The following PIEZO1 variants were observed in gnomAD, a reference collection of about 807,000 sequenced individuals.
PIEZO1 encodes the protein piezo-type mechanosensitive ion channel component 1.
A neutral mutation model predicts 297.2 loss-of-function variants in PIEZO1; 296 were observed. The ratio of observed to expected loss-of-function variants is 1.00; its 90% CI spans 0.91 to 1.10. The LOEUF is 1.10. Ranked by LOEUF, PIEZO1 falls within the 50% of genes least tolerant of loss-of-function variation. The probability of loss-of-function intolerance (pLI) is 0.00; values close to 1 mark genes in which losing one functional copy is unlikely to be tolerated. For missense variants in PIEZO1, 5,018 were observed against 3,455.5 expected (o/e 1.45, Z -11.34); for synonymous variants, 2,427 against 1,507.5 (o/e 1.61, Z -14.13).
intron 2 of PIEZO1, among the ~76,000 whole-genome samples, chr16:88,747,231 G>GAAA (rs59177269): frequency 0.13 from 15,773 of 121,338 alleles, 1,260 homozygotes; most frequent in Non-Finnish European, 0.19. Flanking sequence ...ACCCCCACTC[G>GAAA]AAAAAAAAAA....
chr16:88,716,709 T>C lies in PIEZO1; in HGVS notation c.6776A>G (p.Gln2259Arg). Residue 2259 changes from glutamine to arginine, a missense_variant, in exon 47 of 51, where the codon CAG (glutamine) becomes CGG (arginine). Gln to Arg is a conservative substitution (Grantham distance 43, BLOSUM62 1). Transcript: ENST00000301015. ...CGTGACGATGTCCTCAGGGCTGTAC[T>C]GGCTGATGAACTGCATGGCCAGCTG... ...PQPLAMQFIS[Q>R]YSPEDIVTAQ... The C allele has an allele frequency of 1.3e-6, 2 of 1,548,482 alleles. No homozygotes were observed. The highest frequency in any genetic ancestry group is 1.7e-6 in the Non-Finnish European group (2 of 1,146,818).
Position 88,736,234 on chromosome 16 carries a change from C to G in PIEZO1, c.1471G>C (p.Glu491Gln). 6.5e-7 allele frequency: 1 copy of G among 1,550,004 alleles called. No individual in the cohort carries two copies. Among genetic ancestry groups the G allele is most frequent in the East Asian group, 2.4e-5 (1 of 40,920 alleles). The change falls in exon 12 of 51, where the codon GAG becomes CAG. Residue 491 changes from glutamate to glutamine, a missense_variant. By Grantham distance (29) the Glu-to-Gln change is conservative (BLOSUM62 2). Coordinates refer to ENST00000301015, the MANE Select transcript of PIEZO1 (RefSeq NM_001142864.4). ...ACGGGGCCCAGGGTGGTGGGCAGCT[C>G]AGGGCGCAGGTCCATGGCCCACACG... ...RYVWAMDLRP[E>Q]LPTTLGPVSL...
In PIEZO1 at chr16:88,727,110, A is replaced by C. The variant is rs1904503272; in HGVS notation, c.3384T>G (p.Ala1128=). The C allele has an allele frequency of 6.5e-7, 1 of 1,549,900 alleles. No homozygotes were observed. Among genetic ancestry groups the C allele is most frequent in the Admixed American group, 2.0e-5 (1 of 50,984 alleles). The change falls in exon 24 of 51, where the codon GCT becomes GCG. Residue 1128 remains alanine (A), a synonymous_variant. Coordinates refer to ENST00000301015, the MANE Select transcript of PIEZO1 (RefSeq NM_001142864.4). ...AERTEEWQRM[A]GVNTDRLEPL... ...GCTCCAGGCGGTCGGTGTTGACGCC[A>C]GCCATGCGCTGCCACTCCTCTGTGC...
chr16:88,749,529 C>A, intron 1 of PIEZO1, 50 bp from the exon 2 acceptor site: 1 of 1,383,536 alleles, frequency 7.2e-7, no homozygotes. Flanking sequence ...ATGGCCAGCC[C>A]CACCCCAGAG....
In PIEZO1 at chr16:88,746,015, G is replaced by T. The variant is rs1258771449; in HGVS notation, c.160+3369C>A. Among the ~76,000 whole-genome samples the T allele has an allele frequency of 2.0e-5, 3 of 152,242 alleles. No individual in the cohort carries two copies. In the East Asian group the frequency reaches 5.8e-4, roughly 29 times the overall value. ...GCTGGGCCTGATTGTTCTGTGGGGA[G>T]TGTGGAGTTGCCCTGAGTCTGATCC... On this transcript the variant is annotated intron_variant, in intron 2 of 50. Coordinates refer to ENST00000301015, the MANE Select transcript of PIEZO1 (RefSeq NM_001142864.4).
At chr16:88,741,695 G>C in intron 4 of PIEZO1, 79 bp from the exon 5 acceptor site, 1 of 1,267,480 alleles carries the variant, frequency 7.9e-7, no homozygotes, top group Admixed American at 2.4e-5. Flanking sequence ...TCCAGGTGCG[G>C]GTGGGAGTGT....
chr16:88,721,621 G>C lies in PIEZO1; in HGVS notation c.5320C>G (p.Leu1774Val), dbSNP rs1167101210. Residue 1774 changes from leucine to valine, a missense_variant, in exon 38 of 51, where the codon CTG becomes GTG. By Grantham distance (32) the Leu-to-Val change is conservative. Transcript: ENST00000301015. ...TAGCCGTCAGTCTTCTCCAGGCCCA[G>C]GATGCGGGGCGGGAAGTAGGGCTTG... is the stretch of plus-strand genomic sequence containing the variant. The part of the protein sequence containing the change: ...ENKPYFPPRI[L>V]GLEKTDGYIK... The C allele has an allele frequency of 5.8e-6, 9 of 1,550,154 alleles. 1 individual carries two copies. In the South Asian group the frequency reaches 1.1e-4, roughly 18 times the overall value.
chr16:88,730,457 GC>G (rs1356165145), intron 22 of PIEZO1, among the ~76,000 whole-genome samples: 1 of 152,052 alleles, frequency 6.6e-6, no homozygotes, highest in Non-Finnish European at 1.5e-5. Context: ...AATTAGCCGG[GC>G]CTGGTGGTGC....
chr16:88,785,103 C>T lies in PIEZO1; in HGVS notation c.-139G>A, dbSNP rs1375569434. 1.4e-5 allele frequency: 6 copies of T among 436,836 alleles called. No individual in the cohort carries two copies. The highest frequency in any genetic ancestry group is 2.1e-5 in the African/African-American group (1 of 48,032). The allele number at this position is 436,836 out of a possible 1,614,324, so 27.1% of individuals were successfully genotyped here. A position where few individuals can be genotyped will look rare whatever the true frequency, so the allele number is the denominator to read the frequency against. ...CCTTCTCCTCTTCCTCCTTCTCCTT[C>T]GGCCGCCCCGCCGGTGCCGACGTCC... On this transcript the variant is annotated 5_prime_UTR_variant, in exon 1 of 51. Coordinates refer to ENST00000301015, the MANE Select transcript of PIEZO1 (RefSeq NM_001142864.4).
chr16:88,758,186 G>A (rs1292288618), intron 1 of PIEZO1, among the ~76,000 whole-genome samples: 2 of 152,102 alleles, frequency 1.3e-5, no homozygotes, highest in Non-Finnish European at 2.9e-5. Context: ...ACAAGGAGAT[G>A]GCCATTGAGG....
Position 88,735,175 on chromosome 16 carries a change from C to G in PIEZO1, c.1629G>C (p.Glu543Asp). Residue 543 changes from glutamate to aspartate, a missense_variant, in exon 13 of 51, where the codon GAG becomes GAC. Glu to Asp is a conservative substitution (Grantham distance 45). Coordinates refer to ENST00000301015, the MANE Select transcript of PIEZO1 (RefSeq NM_001142864.4). The stretch of plus-strand genomic sequence containing the variant: ...TGACCTCCGTCAGCGCAGCTGGAGA[C>G]TCTGCCCACTTCAGCAGCTTCTCTT... ...FVKEKLLKWAESPAALTEVTV... is the reference protein window; with the variant it reads ...FVKEKLLKWADSPAALTEVTV... 1.3e-6 allele frequency: 2 copies of G among 1,550,378 alleles called. No individual in the cohort carries two copies. The highest frequency in any genetic ancestry group is 1.2e-5 in the South Asian group (1 of 84,070).
intron 1 of PIEZO1, among the ~76,000 whole-genome samples, chr16:88,773,284 A>C (rs1417928051): frequency 6.6e-6 from 1 of 152,216 alleles, no homozygotes; most frequent in East Asian, 1.9e-4. Context: ...GCCCTCCAAG[A>C]GTGGGCAGCC....
At chr16:88,732,926 G>T (rs555061613) in intron 19 of PIEZO1, 194 bp from the exon 20 acceptor site, 16 of 616,682 alleles carry the variant, frequency 2.6e-5, no homozygotes, top group South Asian at 2.2e-4. Flanking sequence ...CACGGGCAGG[G>T]GCTGGGGGAG....
intron 1 of PIEZO1, among the ~76,000 whole-genome samples, chr16:88,753,205 C>A (rs1452760501): frequency 1.7e-5 from 2 of 117,212 alleles, no homozygotes; most frequent in Non-Finnish European, 3.6e-5. Flanking sequence ...CCCCGCCCCC[C>A]AGAGCACACC....
chr16:88,784,479 C>T (rs1032487995), intron 1 of PIEZO1, among the ~76,000 whole-genome samples: 9 of 149,440 alleles, frequency 6.0e-5, no homozygotes, highest in Non-Finnish European at 9.0e-5. Flanking sequence ...AGTCCTGATG[C>T]AACTTTGCGC....
intron 1 of PIEZO1, among the ~76,000 whole-genome samples, chr16:88,754,706 G>T (rs1004419483): frequency 1.3e-5 from 2 of 152,216 alleles, no homozygotes; most frequent in African/African-American, 4.8e-5. Context: ...GAGCAGGGGG[G>T]CTCCGTGAAA....
rs566585209 is a variant in PIEZO1, at chr16:88,738,054, G to A, written c.900C>T (p.His300=). ...CCAGGCCGGTGTTGAGGACCAGCGCGTGGGGGCTGGAGCAGTTGGTGGGAC... is the reference window on the plus strand; with the variant it reads ...CCAGGCCGGTGTTGAGGACCAGCGCATGGGGGCTGGAGCAGTTGGTGGGAC... ...FVGPTNCSSP[H]ALVLNTGLDW... is the part of the protein sequence containing the mutation. The change falls in exon 8 of 51, where the codon CAC becomes CAT. Residue 300 remains histidine (H), a synonymous_variant. Transcript: ENST00000301015. 1.5e-4 allele frequency: 223 copies of A among 1,535,810 alleles called. 1 individual carries two copies. Among genetic ancestry groups the A allele is most frequent in the Admixed American group, 3.1e-4 (16 of 51,004 alleles).
rs947341749 is a variant in PIEZO1 at position 88,736,149 on chromosome 16, A to G, written c.1556T>C (p.Met519Thr). Residue 519 changes from methionine to threonine, a missense_variant and splice_region_variant, in exon 12 of 51, where the codon ATG (methionine) becomes ACG (threonine). Transcript: ENST00000301015. ...CCGGATGTGGTGGTGCACACTCACC[A>G]TGGCACCAAGGTCCAGACAGGGGTA... is the stretch of plus-strand genomic sequence containing the variant. The part of the protein sequence containing the change: ...TRYPCLDLGA[M>T]LLYTLTFWLL... 3.7e-5 allele frequency: 57 copies of G among 1,543,584 alleles called. No individual in the cohort carries two copies. Among genetic ancestry groups the G allele is most frequent in the Non-Finnish European group, 4.8e-5 (55 of 1,143,176 alleles).
chr16:88,720,564 T>TTG, intron 40 of PIEZO1, 32 bp from the exon 41 acceptor site: 1 of 1,542,074 alleles, frequency 6.5e-7, no homozygotes, highest in Non-Finnish European at 8.8e-7. Context: ...CTGGGCCCAG[T>TTG]ACCCGCCTCC....
Sources: allele counts gnomAD v4.1 joint callset (sites outside exome capture counted in the v4.1 genomes callset), GRCh38; gene constraint gnomAD v4.1.1; transcripts MANE v1.5; gene names NCBI Gene and HGNC (gene_info 2026-07-23, HGNC 2026-07-21).